The following EIF4G3 variants were observed in gnomAD, a reference collection of about 807,000 sequenced individuals.
The protein encoded by EIF4G3 is eukaryotic translation initiation factor 4 gamma 3, also known as eIF-4-gamma 3.
EIF4G3 carries 34 observed loss-of-function variants against 186.4 expected under a neutral mutation model. That is an observed-to-expected ratio of 0.18 (90% CI 0.14 to 0.24). The LOEUF is 0.24. Ranked by LOEUF, EIF4G3 falls within the 10% of genes least tolerant of loss-of-function variation. EIF4G3 has a pLI of 1.00. For missense variants in EIF4G3, 1,536 were observed against 1,948.5 expected, an observed-to-expected ratio of 0.79 and a Z score of 3.99; for synonymous variants, 673 against 679.5, an observed-to-expected ratio of 0.99 and a Z score of 0.15.
intron 29 of EIF4G3, among the ~76,000 whole-genome samples, chr1:20,845,974 T>G (rs1013957876): frequency 6.6e-6 from 1 of 152,208 alleles, no homozygotes; most frequent in Non-Finnish European, 1.5e-5. Flanking sequence ...CATCTCTGAT[T>G]TCTTTGAATA....
At position 20,927,277 on chromosome 1, in the gene EIF4G3, T is replaced by C. The variant is rs546905673; in HGVS notation, c.1663+14214A>G. Among the ~76,000 whole-genome samples the C allele has an allele frequency of 6.6e-5, 10 of 152,224 alleles. No individual in the cohort carries two copies. In the South Asian group the frequency reaches 8.3e-4, roughly 13 times the overall value. The stretch of plus-strand genomic sequence containing the variant: ...AGCATCAAGGAAACAATGCAGGAAT[T>C]AACACTCATCAAACAGGTGTGGGAG... On this transcript the variant is annotated intron_variant, in intron 14 of 36. Coordinates refer to ENST00000602326, the MANE Select transcript of EIF4G3 (RefSeq NM_001391906.1).
intron 34 of EIF4G3, among the ~76,000 whole-genome samples, chr1:20,816,599 G>A (rs1461913145): frequency 2.1e-3 from 169 of 80,890 alleles, no homozygotes; most frequent in African/African-American, 7.7e-3. Context: ...CTGGCCAGCC[G>A]CCCTGTCCGG....
intron 2 of EIF4G3, among the ~76,000 whole-genome samples, chr1:21,149,703 A>G (rs72975078): frequency 0.34 from 51,851 of 152,042 alleles, 9,522 homozygotes; most frequent in Non-Finnish European, 0.41. Flanking sequence ...TACCAAGCAG[A>G]TTTTTTATAT....
chr1:20,944,291 G>A (rs2095849679), intron 13 of EIF4G3, among the ~76,000 whole-genome samples: 1 of 151,914 alleles, frequency 6.6e-6, no homozygotes, highest in African/African-American at 2.4e-5. Context: ...GAGACGGGAG[G>A]ATCTCTTGAG....
intron 4 of EIF4G3, among the ~76,000 whole-genome samples, chr1:21,030,549 G>A (rs2092647373): frequency 6.6e-6 from 1 of 152,152 alleles, no homozygotes; most frequent in African/African-American, 2.4e-5. Flanking sequence ...CCAGTGTCAA[G>A]TATATCTTTA....
At chr1:21,053,396 C>T (rs1282088769) in intron 3 of EIF4G3, among the ~76,000 whole-genome samples, 8 of 151,876 alleles carry the variant, frequency 5.3e-5, no homozygotes, top group Non-Finnish European at 8.8e-5. Flanking sequence ...CCCGGACAGC[C>T]GCCCCGTCTG....
At position 21,159,617 on chromosome 1, in the gene EIF4G3, G is replaced by A. The variant is rs1475321941; in HGVS notation, c.-272+16558C>T. On this transcript the variant is annotated intron_variant, in intron 2 of 36. Coordinates refer to ENST00000602326, the MANE Select transcript of EIF4G3 (RefSeq NM_001391906.1). ...TAGCCAAGCGTGGTGGCGCACGCCT[G>A]TAATTCCAACTGCTTGGGAGGCTAA... is the stretch of plus-strand genomic sequence containing the variant. 3.9e-5 allele frequency among the ~76,000 whole-genome samples: 6 copies of A among 152,070 alleles called. No individual in the cohort carries two copies. The East Asian group carries it at 1.2e-3, about 30-fold the overall frequency.
intron 2 of EIF4G3, among the ~76,000 whole-genome samples, chr1:21,130,680 C>T (rs1490148171): frequency 2.6e-5 from 4 of 151,934 alleles, no homozygotes; most frequent in African/African-American, 7.3e-5. Context: ...GAAAAAACCA[C>T]CTTTAGTGAA....
At position 20,851,312 on chromosome 1, in the gene EIF4G3, C is replaced by T. The variant is rs1250670845; in HGVS notation, c.3718G>A (p.Val1240Met). ...TCAGTGCTGTTCCTCTCCACATCCA[C>T]ACCTCCTGTGAGCTGCTTCACGGTC... ...LETVKQLTGG[V>M]DVERNSTEAE... The change falls in exon 28 of 37, where the codon GTG becomes ATG. Residue 1240 changes from valine (V) to methionine (M), a missense_variant. By Grantham distance (21) the Val-to-Met change is conservative. Transcript: ENST00000602326. 1 of 1,614,086 alleles carries T rather than the reference C, an allele frequency of 6.2e-7. No homozygotes were observed. The highest frequency in any genetic ancestry group is 8.5e-7 in the Non-Finnish European group (1 of 1,180,048).
chr1:20,997,788 A>C (rs1442642441), intron 6 of EIF4G3, among the ~76,000 whole-genome samples, 155 bp from the exon 7 acceptor site: 1 of 152,184 alleles, frequency 6.6e-6, no homozygotes, highest in East Asian at 1.9e-4. Context: ...GCTTTGCTGC[A>C]GGACAGTGAC....
At chr1:20,891,385 T>C (rs560701455) in intron 18 of EIF4G3, among the ~76,000 whole-genome samples, 166 of 152,050 alleles carry the variant, frequency 1.1e-3, no homozygotes, top group African/African-American at 3.9e-3. Flanking sequence ...TTATTTCAAA[T>C]ATTTGGCAAA....
intron 2 of EIF4G3, among the ~76,000 whole-genome samples, chr1:21,106,840 A>C (rs2096626891): frequency 1.3e-5 from 2 of 152,228 alleles, no homozygotes; most frequent in Admixed American, 1.3e-4. Context: ...GAAAACCAAC[A>C]GATGTTACGG....
At chr1:21,170,132 G>A (rs947199909) in intron 2 of EIF4G3, among the ~76,000 whole-genome samples, 1 of 151,898 alleles carries the variant, frequency 6.6e-6, no homozygotes, top group Admixed American at 6.6e-5. Context: ...CTGAGATTGT[G>A]CCACTAGCAC....
At chr1:21,057,431 T>C (rs2094610488) in intron 3 of EIF4G3, among the ~76,000 whole-genome samples, 1 of 152,004 alleles carries the variant, frequency 6.6e-6, no homozygotes, top group African/African-American at 2.4e-5. Context: ...TATCCAAATA[T>C]CCAAAACCGG....
rs928647366 is a variant in EIF4G3 at position 20,806,581 on chromosome 1, T to C, written c.*738A>G. ...TTTTTGTTTTTTTAAATATTTGTTCTATGTATTTACAAGCCTTAAAGTTGC... is the reference window on the plus strand; with the variant it reads ...TTTTTGTTTTTTTAAATATTTGTTCCATGTATTTACAAGCCTTAAAGTTGC... On this transcript the variant is annotated 3_prime_UTR_variant, in exon 37 of 37. Coordinates refer to ENST00000602326, the MANE Select transcript of EIF4G3 (RefSeq NM_001391906.1). The C allele has an allele frequency of 1.3e-4, 20 of 152,630 alleles. No individual in the cohort carries two copies. Among genetic ancestry groups the C allele is most frequent in the African/African-American group, 4.8e-4 (20 of 41,454 alleles). 9.5% of individuals were successfully genotyped at this position (152,630 alleles called of 1,614,324 possible).
At chr1:21,031,565 G>A (rs2092751215) in intron 4 of EIF4G3, among the ~76,000 whole-genome samples, 1 of 151,400 alleles carries the variant, frequency 6.6e-6, no homozygotes, top group African/African-American at 2.4e-5. Flanking sequence ...GGAAAGTAGT[G>A]TTACATAAAT....
At chr1:20,941,156 TAGCC>T in intron 14 of EIF4G3, 2 of 1,426,078 alleles carry the variant, frequency 1.4e-6, no homozygotes, top group Admixed American at 2.8e-5. Context: ...TTTTGTTTTC[TAGCC>T]CCAAAGCAGC....
chr1:21,061,561 T>G (rs998966262), intron 3 of EIF4G3, among the ~76,000 whole-genome samples: 1 of 152,108 alleles, frequency 6.6e-6, no homozygotes, highest in Non-Finnish European at 1.5e-5. Context: ...CCACATAGCA[T>G]CTAAGCTAAT....
intron 33 of EIF4G3, among the ~76,000 whole-genome samples, chr1:20,817,920 C>T (rs1373093460): frequency 2.6e-5 from 4 of 152,008 alleles, no homozygotes; most frequent in African/African-American, 9.7e-5. Context: ...AAGCAATCCG[C>T]CCTCCTTGGC....
Sources: allele counts gnomAD v4.1 joint callset (sites outside exome capture counted in the v4.1 genomes callset), GRCh38; gene constraint gnomAD v4.1.1; transcripts MANE v1.5; gene names NCBI Gene and HGNC (gene_info 2026-07-23, HGNC 2026-07-21).